Variants in RABGEF1 observed in about 807,000 individuals in gnomAD.
RABGEF1 encodes the protein rab5 GDP/GTP exchange factor.
In RABGEF1, 26 loss-of-function variants were observed where a neutral mutation model predicts 57.3. The observed-to-expected ratio is 0.45, with a 90% CI of 0.33 to 0.63. The LOEUF (loss-of-function observed/expected upper bound fraction) is 0.63. RABGEF1 is among the 20% of genes least tolerant of loss of function. The pLI is 0.02. For synonymous variants in RABGEF1, 185 were observed against 210.7 expected (o/e 0.88, Z 1.06); for missense variants, 464 against 607.6 (o/e 0.76, Z 2.48).
rs1468997300 is a variant in RABGEF1 at position 66,705,450 on chromosome 7, AG to A, written c.-872-6716del. Among the ~76,000 whole-genome samples, 709 of 119,374 alleles carry A rather than the reference AG, an allele frequency of 5.9e-3. 17 individuals carry two copies. The highest frequency in any genetic ancestry group is 0.01 in the South Asian group (26 of 2,518). The allele number at this position is 119,374 out of a possible 152,430, so 78.3% of individuals were successfully genotyped here. ...AAACTCCATCTCGAAAGAAAGAGAG[AG>A]AGAGAGAGAGAGAGAGAGAGAGAGA... On this transcript the variant is annotated intron_variant and NMD_transcript_variant, in intron 1 of 9. Coordinates refer to the RABGEF1 transcript ENST00000607882.
chr7:66,695,181 G>T (rs761964920), intron 1 of RABGEF1, among the ~76,000 whole-genome samples: 1 of 150,968 alleles, frequency 6.6e-6, no homozygotes, highest in African/African-American at 2.4e-5. Flanking sequence ...GCACGGTGGC[G>T]TGCACCAGTA....
At chr7:66,765,330 A>G (rs1302365480) in intron 1 of RABGEF1, among the ~76,000 whole-genome samples, 2 of 152,064 alleles carry the variant, frequency 1.3e-5, no homozygotes, top group Admixed American at 1.3e-4. Context: ...ACTCAGAGCT[A>G]TTGTTATTGT....
intron 4 of RABGEF1, among the ~76,000 whole-genome samples, chr7:66,784,812 CT>C (rs1399916483): frequency 6.6e-6 from 1 of 151,590 alleles, no homozygotes; most frequent in Non-Finnish European, 1.5e-5. Context: ...TATTTTTTCT[CT>C]CTAGAGTAAA....
chr7:66,714,170 TTATCTGGAGAAA>T (rs1191090861), intron 2 of RABGEF1, among the ~76,000 whole-genome samples: 3 of 152,244 alleles, frequency 2.0e-5, no homozygotes, highest in Non-Finnish European at 2.9e-5. Flanking sequence ...TTGGTAAGAA[TTATCTGGAGAAA>T]TTATCTAGGC....
chr7:66,705,802 T>C (rs1793976133), intron 1 of RABGEF1, among the ~76,000 whole-genome samples: 1 of 147,902 alleles, frequency 6.8e-6, no homozygotes, highest in South Asian at 2.2e-4. Context: ...CTCCACCTCC[T>C]GGGTTCAAAC....
At chr7:66,762,183 A>G (rs1213047977) in intron 1 of RABGEF1, among the ~76,000 whole-genome samples, 3 of 152,248 alleles carry the variant, frequency 2.0e-5, no homozygotes, top group African/African-American at 7.2e-5. Flanking sequence ...TTGAGTCACT[A>G]GAAATGTAAC....
In RABGEF1 at chr7:66,771,895, A is replaced by T; in HGVS notation, c.-5A>T. On this transcript the variant is annotated 5_prime_UTR_variant, in exon 2 of 9. It adds an upstream start codon to the 5' untranslated region. Transcript: ENST00000284957. ...CTTGTTTGTTCAGTGGTTAGCAGGA[A>T]GAAGATGAGCCTTAAGTCTGAACGC... The T allele has an allele frequency of 6.7e-7, 1 of 1,497,570 alleles. No homozygotes were observed. Among genetic ancestry groups the T allele is most frequent in the East Asian group, 2.5e-5 (1 of 39,394 alleles). 92.8% of individuals were successfully genotyped at this position (1,497,570 alleles called of 1,614,324 possible). A position where few individuals can be genotyped will look rare whatever the true frequency, so the allele number is the denominator to read the frequency against.
upstream of RABGEF1, among the ~76,000 whole-genome samples, chr7:66,737,095 A>AGAGAGC (rs1798073785): frequency 2.7e-4 from 38 of 138,738 alleles, 2 homozygotes; most frequent in South Asian, 6.3e-3. Context: ...AGCGAGAGCG[A>AGAGAGC]GAGAGAGAGA....
upstream of RABGEF1, among the ~76,000 whole-genome samples, chr7:66,679,877 A>T (rs1789574346): frequency 6.6e-6 from 1 of 152,172 alleles, no homozygotes; most frequent in Admixed American, 6.6e-5. Context: ...AAAAAAAACT[A>T]GCTCTACCCC....
chr7:66,682,453 C>T (rs1238286729), intron 1 of RABGEF1, among the ~76,000 whole-genome samples: 1 of 152,224 alleles, frequency 6.6e-6, no homozygotes, highest in Non-Finnish European at 1.5e-5. Flanking sequence ...TCCCTTAATC[C>T]TCACAGTGCG....
At chr7:66,666,916 C>G in the RABGEF1 span, among the ~76,000 whole-genome samples, 1 of 152,176 alleles carries the variant, frequency 6.6e-6, no homozygotes, top group Non-Finnish European at 1.5e-5. Flanking sequence ...GCCTCTCCAC[C>G]ACAGTAGGGA....
chr7:66,718,656 C>G (rs1224081101), intron 2 of RABGEF1, among the ~76,000 whole-genome samples: 1 of 152,126 alleles, frequency 6.6e-6, no homozygotes. Context: ...CAGTTTAGTT[C>G]CCAAATACTT....
chr7:66,665,753 T>C, the RABGEF1 span, among the ~76,000 whole-genome samples: 90 of 152,276 alleles, frequency 5.9e-4, no homozygotes, highest in African/African-American at 2.1e-3. Flanking sequence ...TTGTTGTAGC[T>C]TGGGGGGTGG....
the RABGEF1 span, among the ~76,000 whole-genome samples, chr7:66,667,236 G>A: frequency 7.9e-5 from 12 of 152,336 alleles, no homozygotes; most frequent in African/African-American, 2.2e-4. Context: ...TGCCTGGCAC[G>A]GGCTGAGACT....
chr7:66,801,649 G>A (rs1787316858), intron 7 of RABGEF1, among the ~76,000 whole-genome samples: 1 of 152,128 alleles, frequency 6.6e-6, no homozygotes, highest in African/African-American at 2.4e-5. Context: ...ATCTTTCTGT[G>A]CCTGGCTTAT....
intron 4 of RABGEF1, among the ~76,000 whole-genome samples, chr7:66,792,151 C>T (rs184312372): frequency 6.6e-6 from 1 of 151,584 alleles, no homozygotes; most frequent in East Asian, 1.9e-4. Context: ...TGATCCCGTA[C>T]AATGATTAGA....
chr7:66,690,964 G>A (rs577692741), intron 1 of RABGEF1, among the ~76,000 whole-genome samples: 73 of 151,686 alleles, frequency 4.8e-4, no homozygotes, highest in African/African-American at 1.7e-3. Context: ...GGTGGGGAGC[G>A]CCTATAATCC....
intron 4 of RABGEF1, among the ~76,000 whole-genome samples, chr7:66,793,891 C>G (rs182587956): frequency 6.6e-6 from 1 of 152,162 alleles, no homozygotes; most frequent in Non-Finnish European, 1.5e-5. Flanking sequence ...GGTCAGTGGC[C>G]TGTGTAGATG....
At chr7:66,712,121 C>T (rs1794850084) in intron 1 of RABGEF1, 1 of 152,178 alleles carries the variant, frequency 6.6e-6, no homozygotes, top group African/African-American at 2.4e-5. Context: ...CATATGTCTA[C>T]AAAAATCCTG....
Sources: gnomAD v4.1 joint callset for allele counts (sites outside exome capture counted in the v4.1 genomes callset) on GRCh38, gnomAD v4.1.1 for gene constraint, MANE v1.5 for transcripts, NCBI Gene and HGNC (gene_info 2026-07-23, HGNC 2026-07-21) for gene names.